Variants in PPARGC1A observed in about 807,000 individuals in gnomAD.
The protein encoded by PPARGC1A is PPARG coactivator 1 alpha, also known as peroxisome proliferator-activated receptor gamma coactivator 1-alpha.
A neutral mutation model predicts 88.7 loss-of-function variants in PPARGC1A; 25 were observed. The ratio of observed to expected loss-of-function variants is 0.28; its 90% CI spans 0.21 to 0.39. The LOEUF (loss-of-function observed/expected upper bound fraction) is 0.39, where lower values mean the gene tolerates loss of function less well. Ranked by LOEUF, PPARGC1A falls within the 10% of genes least tolerant of loss-of-function variation. The probability of loss-of-function intolerance (pLI) is 1.00; values close to 1 mark genes in which losing one functional copy is unlikely to be tolerated. For synonymous variants in PPARGC1A, 363 were observed against 355.6 expected, an observed-to-expected ratio of 1.02 and a Z score of -0.24; for missense variants, 880 against 968.7, an observed-to-expected ratio of 0.91 and a Z score of 1.22.
In PPARGC1A at chr4:23,884,790, A is replaced by C. The variant is rs1017037521; in HGVS notation, c.196T>G (p.Ser66Ala). The change falls in exon 2 of 13, where the codon TCC becomes GCC. Residue 66 changes from serine to alanine, a missense_variant. By Grantham distance (99) the Ser-to-Ala change is moderately conservative. Coordinates refer to ENST00000264867, the MANE Select transcript of PPARGC1A (RefSeq NM_013261.5). ...GAAGGCTCATTGTTGTACTGATTGGATATTATTTCTGATTGGTCACTGCAC... is the reference window on the plus strand; with the variant it reads ...GAAGGCTCATTGTTGTACTGATTGGCTATTATTTCTGATTGGTCACTGCAC... ...KWCSDQSEIISNQYNNEPSNI... is the reference protein window; with the variant it reads ...KWCSDQSEIIANQYNNEPSNI... 1 of 1,613,842 alleles carries C rather than the reference A, an allele frequency of 6.2e-7. No homozygotes were observed. Among genetic ancestry groups the C allele is most frequent in the Non-Finnish European group, 8.5e-7 (1 of 1,179,912 alleles).
chr4:24,075,933 A>C, the PPARGC1A span, among the ~76,000 whole-genome samples: 4 of 152,176 alleles, frequency 2.6e-5, no homozygotes, highest in Non-Finnish European at 4.4e-5. Context: ...GCTTGGAGAC[A>C]CCATAAGACC....
chr4:24,127,938 GTT>G, the PPARGC1A span, among the ~76,000 whole-genome samples: 1 of 152,146 alleles, frequency 6.6e-6, no homozygotes, highest in Non-Finnish European at 1.5e-5. Flanking sequence ...ACAAAGACTA[GTT>G]TCCATTTTTT....
At chr4:24,315,599 G>T in the PPARGC1A span, among the ~76,000 whole-genome samples, 1 of 152,172 alleles carries the variant, frequency 6.6e-6, no homozygotes, top group East Asian at 1.9e-4. Flanking sequence ...TATAGCAGTG[G>T]TTTTCCACCA....
chr4:24,098,097 A>G, the PPARGC1A span, among the ~76,000 whole-genome samples: 1 of 152,254 alleles, frequency 6.6e-6, no homozygotes, highest in African/African-American at 2.4e-5. Context: ...TTTGGAAAGA[A>G]AAGTTACTCT....
the PPARGC1A span, among the ~76,000 whole-genome samples, chr4:24,402,642 T>G: frequency 6.6e-6 from 1 of 152,302 alleles, no homozygotes; most frequent in East Asian, 1.9e-4. Flanking sequence ...AGATGAGGAC[T>G]GGAATAAAAC....
At chr4:24,299,561 T>C in the PPARGC1A span, among the ~76,000 whole-genome samples, 2 of 152,296 alleles carry the variant, frequency 1.3e-5, no homozygotes, top group Middle Eastern at 3.4e-3. Flanking sequence ...AAGAGCTAGC[T>C]CACTCCTTGG....
chr4:24,415,919 C>T, the PPARGC1A span, among the ~76,000 whole-genome samples: 1 of 152,034 alleles, frequency 6.6e-6, no homozygotes, highest in Admixed American at 6.6e-5. Flanking sequence ...AGCTCCTACC[C>T]ATGAGGAGAT....
the PPARGC1A span, among the ~76,000 whole-genome samples, chr4:24,290,014 G>T: frequency 6.6e-6 from 1 of 152,222 alleles, no homozygotes; most frequent in Non-Finnish European, 1.5e-5. Context: ...AGCTTGTGCA[G>T]GGGAACTCCC....
At chr4:23,912,958 TC>T in the PPARGC1A span, among the ~76,000 whole-genome samples, 1 of 149,570 alleles carries the variant, frequency 6.7e-6, no homozygotes, top group East Asian at 2.0e-4. Context: ...CCGGCTAATT[TC>T]GTTTTTTTTT....
At chr4:24,132,408 T>C in the PPARGC1A span, among the ~76,000 whole-genome samples, 1 of 152,160 alleles carries the variant, frequency 6.6e-6, no homozygotes, top group Admixed American at 6.6e-5. Flanking sequence ...TCCCGGTGAC[T>C]TTGCTGGGAC....
At position 23,859,790 on chromosome 4, in the gene PPARGC1A, TAA is replaced by T. The variant is rs1315065172; in HGVS notation, c.234+24960_234+24961del. Among the ~76,000 whole-genome samples, 15 of 3,732 alleles carry T rather than the reference TAA, an allele frequency of 4.0e-3. No individual in the cohort carries two copies. The East Asian group carries it at 0.05, about 12-fold the overall frequency. The allele number at this position is 3,732 out of a possible 152,430, so 2.4% of individuals were successfully genotyped here. A position where few individuals can be genotyped will look rare whatever the true frequency, so the allele number is the denominator to read the frequency against. Reference sequence around the variant, plus strand: ...TGCAAGACACCGTCTCAAAATAAAATAAAATAAAATAAAATAAAATAAAATAA... The same window carrying T: ...TGCAAGACACCGTCTCAAAATAAAATAATAAAATAAAATAAAATAAAATAA... On this transcript the variant is annotated intron_variant, in intron 2 of 12. Coordinates refer to ENST00000264867, the MANE Select transcript of PPARGC1A (RefSeq NM_013261.5).
chr4:24,330,985 A>T, the PPARGC1A span, among the ~76,000 whole-genome samples: 1 of 152,134 alleles, frequency 6.6e-6, no homozygotes, highest in Non-Finnish European at 1.5e-5. Flanking sequence ...TCCTCTACTG[A>T]TATGCCCTTC....
At chr4:24,072,135 A>T in the PPARGC1A span, among the ~76,000 whole-genome samples, 180 of 147,206 alleles carry the variant, frequency 1.2e-3, no homozygotes, top group Admixed American at 2.0e-3. Flanking sequence ...TATATTTATA[A>T]TTTTTTATTT....
chr4:24,107,814 C>G, the PPARGC1A span, among the ~76,000 whole-genome samples: 1 of 152,170 alleles, frequency 6.6e-6, no homozygotes, highest in Admixed American at 6.5e-5. Context: ...TGGCTTCAAG[C>G]CTTTGCTATA....
the PPARGC1A span, among the ~76,000 whole-genome samples, chr4:24,095,337 G>A: frequency 1.3e-5 from 2 of 151,898 alleles, no homozygotes; most frequent in Non-Finnish European, 2.9e-5. Context: ...GGCAGGTCTC[G>A]AACTCCTGAC....
the PPARGC1A span, among the ~76,000 whole-genome samples, chr4:24,122,048 T>C: frequency 6.6e-6 from 1 of 152,028 alleles, no homozygotes; most frequent in African/African-American, 2.4e-5. Flanking sequence ...TAAACAGAAA[T>C]ACATGAGACA....
intron 12 of PPARGC1A, among the ~76,000 whole-genome samples, chr4:23,801,190 AACAC>A (rs34293917): frequency 5.2e-4 from 78 of 149,946 alleles, no homozygotes; most frequent in African/African-American, 1.7e-3. Flanking sequence ...TCAGGTTACA[AACAC>A]ACACACACAC....
At chr4:24,212,602 T>C in the PPARGC1A span, among the ~76,000 whole-genome samples, 1 of 152,310 alleles carries the variant, frequency 6.6e-6, no homozygotes, top group South Asian at 2.1e-4. Flanking sequence ...AATCCTCTAG[T>C]GTACATCAAC....
the PPARGC1A span, among the ~76,000 whole-genome samples, chr4:24,198,659 G>C: frequency 2.0e-5 from 3 of 152,234 alleles, no homozygotes; most frequent in Non-Finnish European, 4.4e-5. Flanking sequence ...TGGGTTCCTC[G>C]AGCCTAAGGC....
Sources: gnomAD v4.1 joint callset for allele counts (sites outside exome capture counted in the v4.1 genomes callset) on GRCh38, gnomAD v4.1.1 for gene constraint, MANE v1.5 for transcripts, NCBI Gene and HGNC (gene_info 2026-07-23, HGNC 2026-07-21) for gene names.